SPHKAP: variants seen among roughly 807,000 people sequenced by gnomAD.
The protein encoded by SPHKAP is SPHK1 interactor, AKAP domain containing.
In SPHKAP, 67 loss-of-function variants were observed where a neutral mutation model predicts 137.5. The observed-to-expected ratio is 0.49, with a 90% CI of 0.40 to 0.60. The LOEUF (loss-of-function observed/expected upper bound fraction) is 0.60. SPHKAP is among the 20% of genes least tolerant of loss of function. The pLI, the probability that SPHKAP is intolerant of heterozygous loss-of-function variation, is 0.00. For missense variants in SPHKAP, 2,097 were observed against 2,069.3 expected, an observed-to-expected ratio of 1.01 and a Z score of -0.26; for synonymous variants, 813 against 785.3, an observed-to-expected ratio of 1.04 and a Z score of -0.59.
intron 2 of SPHKAP, 105 bp downstream of exon 2, chr2:228,131,875 T>G (rs1332393160): frequency 5.5e-6 from 8 of 1,447,970 alleles, no homozygotes; most frequent in African/African-American, 1.4e-5. Context: ...ATTTTGTTGT[T>G]TGTTTTTATT....
At chr2:228,010,753 T>G (rs962987270) in intron 7 of SPHKAP, among the ~76,000 whole-genome samples, 1 of 152,232 alleles carries the variant, frequency 6.6e-6, no homozygotes, top group African/African-American at 2.4e-5. Context: ...GATTTTTATA[T>G]CTACCTTATT....
At position 227,991,303 on chromosome 2, in the gene SPHKAP, ATCT is replaced by A; in HGVS notation, c.4742_4744del (p.Lys1581del). 1 of 1,614,228 alleles carries A rather than the reference ATCT, an allele frequency of 6.2e-7. No homozygotes were observed. ...TGTGCTTTCTGACTGTCCTTTAAGA[ATCT>A]TCTTTTCTTCTACTAATTCACTTTG... is the stretch of plus-strand genomic sequence containing the variant. On this transcript the variant is annotated inframe_deletion, in exon 10 of 12. Coordinates refer to ENST00000392056, the MANE Select transcript of SPHKAP (RefSeq NM_001142644.2).
At chr2:228,110,859 A>G (rs1308434964) in intron 2 of SPHKAP, among the ~76,000 whole-genome samples, 1 of 152,166 alleles carries the variant, frequency 6.6e-6, no homozygotes, top group Non-Finnish European at 1.5e-5. Flanking sequence ...AAAATATGTT[A>G]TATAGGATAA....
chr2:228,042,066 GAAAC>G (rs548773649), intron 3 of SPHKAP, among the ~76,000 whole-genome samples: 60 of 152,224 alleles, frequency 3.9e-4, no homozygotes, highest in Admixed American at 1.5e-3. Flanking sequence ...AGAAGAAAAA[GAAAC>G]AAACAAACAA....
chr2:228,120,843 C>T (rs1208867551), intron 2 of SPHKAP, among the ~76,000 whole-genome samples: 1 of 152,164 alleles, frequency 6.6e-6, no homozygotes, highest in Non-Finnish European at 1.5e-5. Context: ...GTTACAAAAA[C>T]AGATACACTC....
chr2:228,044,417 C>T (rs184395901), intron 3 of SPHKAP, among the ~76,000 whole-genome samples: 25 of 152,204 alleles, frequency 1.6e-4, no homozygotes, highest in African/African-American at 3.4e-4. Flanking sequence ...CTTAGTTTCA[C>T]GGGTACTCTA....
chr2:228,067,318 T>TA (rs763857178), intron 3 of SPHKAP, among the ~76,000 whole-genome samples: 1 of 152,186 alleles, frequency 6.6e-6, no homozygotes, highest in Non-Finnish European at 1.5e-5. Flanking sequence ...AGATCTATTT[T>TA]AAAAAAATTA....
intron 9 of SPHKAP, among the ~76,000 whole-genome samples, chr2:227,992,883 G>A (rs991900584): frequency 6.6e-6 from 1 of 152,178 alleles, no homozygotes; most frequent in Non-Finnish European, 1.5e-5. Flanking sequence ...GTCAAAAATA[G>A]ATTTCAATCA....
intron 2 of SPHKAP, among the ~76,000 whole-genome samples, chr2:228,112,786 A>G (rs955605523): frequency 6.6e-6 from 1 of 152,166 alleles, no homozygotes; most frequent in Non-Finnish European, 1.5e-5. Context: ...GATATTTTAA[A>G]GATTTTTTTT....
At chr2:228,108,993 C>A in intron 2 of SPHKAP, 54 bp from the exon 3 acceptor site, 1 of 1,115,954 alleles carries the variant, frequency 9.0e-7, no homozygotes, top group Non-Finnish European at 1.3e-6. Flanking sequence ...TCTATCTAAA[C>A]AGCAGCTCTC....
chr2:228,017,147 T>C lies in SPHKAP; in HGVS notation c.3707A>G (p.Gln1236Arg), dbSNP rs1442793213. The change falls in exon 7 of 12, where the codon CAG becomes CGG. Residue 1236 changes from glutamine (Q) to arginine (R), a missense_variant. Transcript: ENST00000392056. ...GGATCTGCTGTCTGGCATGGACGAC[T>C]GTCTGTGGCACACTGGGGATCGCAG... ...PSLRSPVCHRQSSMPDSRSPC... is the reference protein window; with the variant it reads ...PSLRSPVCHRRSSMPDSRSPC... 15 of 1,614,038 alleles carry C rather than the reference T, an allele frequency of 9.3e-6. No individual in the cohort carries two copies. The highest frequency in any genetic ancestry group is 1.3e-5 in the Non-Finnish European group (15 of 1,180,016).
At chr2:228,100,160 T>C (rs767563399) in intron 3 of SPHKAP, among the ~76,000 whole-genome samples, 65 of 152,324 alleles carry the variant, frequency 4.3e-4, no homozygotes, top group Middle Eastern at 3.4e-3. Flanking sequence ...CTGGAAATGC[T>C]ACTGATTTTT....
intron 3 of SPHKAP, among the ~76,000 whole-genome samples, chr2:228,102,245 CT>C (rs35844475): frequency 0.32 from 47,592 of 149,692 alleles, 7,718 homozygotes; most frequent in Admixed American, 0.4. Context: ...CATTGCTTAC[CT>C]TTTTTTTTTA....
chr2:228,083,400 C>A (rs1183417325), intron 3 of SPHKAP, among the ~76,000 whole-genome samples: 1 of 152,184 alleles, frequency 6.6e-6, no homozygotes, highest in East Asian at 1.9e-4. Flanking sequence ...GAAATGGTAT[C>A]TCCTTGTGAT....
Position 228,181,519 on chromosome 2 carries a change from C to T in SPHKAP, c.32+48G>A, listed in dbSNP as rs201088297. 3.1e-6 allele frequency: 5 copies of T among 1,613,832 alleles called. No individual in the cohort carries two copies. Among genetic ancestry groups the T allele is most frequent in the African/African-American group, 1.3e-5 (1 of 74,910 alleles). ...TTGGTGAGCGACTCACAACGCGGAA[C>T]GGAGTTTGATCGACATGGTATTGGG... On this transcript the variant is annotated intron_variant, in intron 1 of 11. Coordinates refer to ENST00000392056, the MANE Select transcript of SPHKAP (RefSeq NM_001142644.2). This position sits in a 1 kb window ranked among gnomAD's most constrained non-coding sequence, Gnocchi z 4.3.
chr2:228,073,077 G>C (rs1697053822), intron 3 of SPHKAP, among the ~76,000 whole-genome samples: 1 of 152,228 alleles, frequency 6.6e-6, no homozygotes, highest in Non-Finnish European at 1.5e-5. Flanking sequence ...CAGATAATCA[G>C]ATGGAAAGAA....
At chr2:228,092,159 A>G (rs1296723656) in intron 3 of SPHKAP, among the ~76,000 whole-genome samples, 2 of 113,356 alleles carry the variant, frequency 1.8e-5, no homozygotes, top group Non-Finnish European at 3.7e-5. Context: ...ACATATACAT[A>G]TATGTGTGTA....
intron 1 of SPHKAP, among the ~76,000 whole-genome samples, chr2:228,163,724 A>G (rs1700341083): frequency 1.3e-5 from 2 of 152,260 alleles, no homozygotes; most frequent in South Asian, 4.1e-4. Flanking sequence ...TTGCCTTCTT[A>G]TTTGCATGAC....
chr2:228,063,301 A>T (rs564122419), intron 3 of SPHKAP, among the ~76,000 whole-genome samples: 1 of 152,204 alleles, frequency 6.6e-6, no homozygotes, highest in South Asian at 2.1e-4. Flanking sequence ...GTTGATGTCA[A>T]CTTTGATTTA....
Sources: allele counts gnomAD v4.1 joint callset (sites outside exome capture counted in the v4.1 genomes callset), GRCh38; gene constraint gnomAD v4.1.1; non-coding constraint Gnocchi (gnomAD v3.1); transcripts MANE v1.5; gene names NCBI Gene and HGNC (gene_info 2026-07-23, HGNC 2026-07-21).